Variants in KIT observed in about 807,000 individuals in gnomAD.
KIT encodes the protein KIT proto-oncogene, receptor tyrosine kinase, also known as mast/stem cell growth factor receptor Kit.
Under a neutral mutation model 105.7 loss-of-function variants are expected in KIT, and 16 were observed. The observed-to-expected ratio is 0.15, with a 90% CI of 0.10 to 0.23. The LOEUF (loss-of-function observed/expected upper bound fraction) is 0.23, where lower values mean the gene tolerates loss of function less well. Among genes scored for constraint, KIT ranks in the 10% least tolerant of loss-of-function variants. The pLI, the probability that KIT is intolerant of heterozygous loss-of-function variation, is 1.00. For synonymous variants in KIT, 438 were observed against 441.1 expected (o/e 0.99, Z 0.09); for missense variants, 858 against 1,213.8 (o/e 0.71, Z 4.36).
At chr4:54,667,669 GA>G (rs1408391566) in intron 1 of KIT, among the ~76,000 whole-genome samples, 2 of 152,212 alleles carry the variant, frequency 1.3e-5, no homozygotes, top group Middle Eastern at 6.3e-3. Flanking sequence ...GATGAGATGG[GA>G]TAATTTTTAG....
intron 7 of KIT, among the ~76,000 whole-genome samples, chr4:54,713,747 G>GA (rs1241279108): frequency 1.3e-5 from 2 of 152,184 alleles, no homozygotes; most frequent in African/African-American, 4.8e-5. Context: ...TGAATGTGGG[G>GA]AAGGGGCATG....
intron 16 of KIT, 47 bp downstream of exon 16, chr4:54,732,045 A>ATTTTTTTT (rs71662297): frequency 1.5e-5 from 13 of 888,844 alleles, no homozygotes; most frequent in Admixed American, 6.8e-5. Flanking sequence ...TGTTTTTTTG[A>ATTTTTTTT]TTTTTTTTTT....
intron 1 of KIT, among the ~76,000 whole-genome samples, chr4:54,687,117 G>A (rs1031559585): frequency 8.5e-5 from 13 of 152,096 alleles, no homozygotes; most frequent in African/African-American, 2.9e-4. Context: ...ATTACAATAT[G>A]TAAAACAATA....
At chr4:54,738,382 G>A in intron 20 of KIT, 47 bp from the exon 21 acceptor site, 3 of 1,610,180 alleles carry the variant, frequency 1.9e-6, no homozygotes, top group Non-Finnish European at 2.6e-6. Context: ...TTGTTGCTAT[G>A]TTCGTTGTAG....
intron 1 of KIT, among the ~76,000 whole-genome samples, chr4:54,664,954 TG>T (rs1717579882): frequency 6.6e-6 from 1 of 151,870 alleles, no homozygotes; most frequent in Admixed American, 6.6e-5. Flanking sequence ...CATCTTTAAA[TG>T]TATATTTCAA....
At chr4:54,675,771 C>A (rs2109584975) in intron 1 of KIT, among the ~76,000 whole-genome samples, 1 of 152,238 alleles carries the variant, frequency 6.6e-6, no homozygotes, top group South Asian at 2.1e-4. Flanking sequence ...GTTTTTCACT[C>A]ACTACAAATG....
At chr4:54,716,947 A>C (rs539368395) in intron 7 of KIT, among the ~76,000 whole-genome samples, 1 of 152,220 alleles carries the variant, frequency 6.6e-6, no homozygotes, top group East Asian at 1.9e-4. Flanking sequence ...TAGCTAATCT[A>C]TGTAAAAATC....
At chr4:54,727,125 A>T (rs1188592989) in intron 9 of KIT, 93 bp from the exon 10 acceptor site, 4 of 984,758 alleles carry the variant, frequency 4.1e-6, no homozygotes, top group Non-Finnish European at 6.6e-6. Flanking sequence ...ATGGGCTGTG[A>T]GTTGGGAGGT....
Position 54,698,626 on chromosome 4 carries a change from C to T in KIT, c.619+61C>T, listed in dbSNP as rs924456440. 2.1e-5 allele frequency: 32 copies of T among 1,553,178 alleles called. No homozygotes were observed. In the African/African-American group the frequency reaches 3.9e-4, roughly 19 times the overall value. On this transcript the variant is annotated intron_variant, in intron 3 of 20. Transcript: ENST00000288135. ...GAACTCACTTATCTAAAGAAGACTT[C>T]TCTTCTCGTTGATCCACCTTAGTGT...
intron 2 of KIT, among the ~76,000 whole-genome samples, chr4:54,697,027 TCTG>T (rs1720117816): frequency 6.6e-6 from 1 of 152,254 alleles, no homozygotes; most frequent in South Asian, 2.1e-4. Context: ...AAAGTCATCT[TCTG>T]TATCTTGGAA....
intron 16 of KIT, 106 bp downstream of exon 16, chr4:54,732,104 G>T (rs1398075942): frequency 3.2e-6 from 4 of 1,240,360 alleles, no homozygotes; most frequent in Non-Finnish European, 4.4e-6. Context: ...TAGTTAAAAT[G>T]CAGAATGTCA....
intron 1 of KIT, among the ~76,000 whole-genome samples, chr4:54,660,410 C>A (rs1717169011): frequency 6.6e-6 from 1 of 152,210 alleles, no homozygotes; most frequent in Non-Finnish European, 1.5e-5. Context: ...CAGCTGGACA[C>A]AAGGCACTCT....
intron 4 of KIT, 147 bp downstream of exon 4, chr4:54,699,913 C>A: frequency 2.6e-6 from 2 of 777,574 alleles, no homozygotes; most frequent in Non-Finnish European, 4.4e-6. Context: ...TTGCATATTT[C>A]CCCCTTTCAT....
At chr4:54,699,595 A>G in intron 3 of KIT, 35 bp from the exon 4 acceptor site, 1 of 1,612,954 alleles carries the variant, frequency 6.2e-7, no homozygotes, top group South Asian at 1.1e-5. Flanking sequence ...CTATAATACA[A>G]ATTATTTGAG....
intron 1 of KIT, among the ~76,000 whole-genome samples, chr4:54,687,486 A>G (rs893717067): frequency 1.3e-5 from 2 of 152,170 alleles, no homozygotes; most frequent in African/African-American, 4.8e-5. Flanking sequence ...ATCCTCAATG[A>G]AAAAGCATTG....
intron 6 of KIT, among the ~76,000 whole-genome samples, chr4:54,709,184 G>T (rs1018554683): frequency 6.6e-6 from 1 of 152,184 alleles, no homozygotes; most frequent in African/African-American, 2.4e-5. Context: ...CCTCTGTCAG[G>T]TTGCCTTTGT....
chr4:54,703,682 T>G (rs377724954), intron 4 of KIT, 42 bp from the exon 5 acceptor site: 2 of 1,508,404 alleles, frequency 1.3e-6, no homozygotes, highest in African/African-American at 2.7e-5. Flanking sequence ...ATAAATTATA[T>G]GGTAATCTTC....
At chr4:54,711,691 G>A (rs145381321) in intron 7 of KIT, among the ~76,000 whole-genome samples, 2,849 of 64,170 alleles carry the variant, frequency 0.044, 76 homozygotes, top group African/African-American at 0.088. Flanking sequence ...GGAGGCCGAA[G>A]CAGGTGGATA....
At chr4:54,703,637 T>C in intron 4 of KIT, 87 bp from the exon 5 acceptor site, 2 of 1,088,952 alleles carry the variant, frequency 1.8e-6, no homozygotes, top group South Asian at 1.3e-5. Context: ...AGTTAATTGC[T>C]GCTATTTTTA....
Sources: allele counts gnomAD v4.1 joint callset (sites outside exome capture counted in the v4.1 genomes callset), GRCh38; gene constraint gnomAD v4.1.1; transcripts MANE v1.5; gene names NCBI Gene and HGNC (gene_info 2026-07-23, HGNC 2026-07-21).